The following GNAO1 variants were observed in gnomAD, a reference collection of about 807,000 sequenced individuals.
GNAO1 encodes the protein guanine nucleotide-binding protein G(o) subunit alpha.
For missense variants in GNAO1, 166 were observed against 478.7 expected, an observed-to-expected ratio of 0.35 and a Z score of 6.10; for synonymous variants, 164 against 180.7, an observed-to-expected ratio of 0.91 and a Z score of 0.74.
chr16:56,351,406 T>C lies in GNAO1; in HGVS notation c.746T>C (p.Met249Thr), dbSNP rs1357923280. 3 of 1,613,022 alleles carry C rather than the reference T, an allele frequency of 1.9e-6. No individual in the cohort carries two copies. The highest frequency in any genetic ancestry group is 2.7e-5 in the African/African-American group (2 of 74,918). The change falls in exon 7 of 9, where the codon ATG becomes ACG. Residue 249 changes from methionine to threonine, a missense_variant. Coordinates refer to ENST00000262493, the MANE Select transcript of GNAO1 (RefSeq NM_020988.3). The surrounding 1 kb of genome is among the most constrained non-coding windows in gnomAD (Gnocchi z 6.1). ...ETTNRMHESL[M>T]LFDSICNNKF... ...CAGAACCGCATGCACGAGTCTCTCA[T>C]GCTCTTCGACTCCATCTGTAACAAC...
intron 2 of GNAO1, among the ~76,000 whole-genome samples, chr16:56,207,121 T>C (rs749396505): frequency 6.6e-6 from 1 of 152,258 alleles, no homozygotes; most frequent in Non-Finnish European, 1.5e-5. Context: ...GCTGCACATA[T>C]GTTACCATGT....
intron 2 of GNAO1, among the ~76,000 whole-genome samples, chr16:56,206,267 C>T (rs1056263442): frequency 5.3e-5 from 8 of 150,446 alleles, no homozygotes; most frequent in African/African-American, 2.0e-4. Context: ...TTGCAGTGAG[C>T]CGAGATCACG....
At chr16:56,239,578 T>C (rs1259291162) in intron 2 of GNAO1, among the ~76,000 whole-genome samples, 1 of 152,188 alleles carries the variant, frequency 6.6e-6, no homozygotes, top group Non-Finnish European at 1.5e-5. Flanking sequence ...GGAGCCTACA[T>C]CTGTAGGTGC....
chr16:56,197,262 T>G (rs527491497), intron 2 of GNAO1, among the ~76,000 whole-genome samples: 34 of 152,212 alleles, frequency 2.2e-4, no homozygotes, highest in Non-Finnish European at 4.7e-4. Context: ...TCTTCTAGAT[T>G]TGTAGACTTG....
rs1362977418 is a variant in GNAO1, at chr16:56,356,470, G to C, written c.*396G>C. The C allele has an allele frequency of 2.6e-5, 4 of 152,446 alleles. No homozygotes were observed. The highest frequency in any genetic ancestry group is 5.9e-5 in the Non-Finnish European group (4 of 68,078). 9.4% of individuals were successfully genotyped at this position (152,446 alleles called of 1,614,324 possible). A position where few individuals can be genotyped will look rare whatever the true frequency, so the allele number is the denominator to read the frequency against. Reference sequence around the variant, plus strand: ...TGCTGGGGGGCAGGGCCCATCTGCCGCCTGGGGCTCCGGTGCGGTGCACTG... The same window carrying C: ...TGCTGGGGGGCAGGGCCCATCTGCCCCCTGGGGCTCCGGTGCGGTGCACTG... On this transcript the variant is annotated 3_prime_UTR_variant, in exon 9 of 9. Transcript: ENST00000262493.
intron 2 of GNAO1, among the ~76,000 whole-genome samples, chr16:56,217,476 G>T (rs1596802263): frequency 6.6e-6 from 1 of 152,200 alleles, no homozygotes; most frequent in East Asian, 1.9e-4. Context: ...TGACATAGTG[G>T]ATTCTTTGCT....
intron 2 of GNAO1, among the ~76,000 whole-genome samples, chr16:56,263,260 A>G (rs2036920488): frequency 2.0e-5 from 3 of 152,310 alleles, no homozygotes; most frequent in South Asian, 2.1e-4. Context: ...CCACCTTCAC[A>G]GAAAGGAGTT....
intron 2 of GNAO1, among the ~76,000 whole-genome samples, chr16:56,196,232 T>C (rs1482964128): frequency 6.6e-6 from 1 of 152,072 alleles, no homozygotes; most frequent in Non-Finnish European, 1.5e-5. Flanking sequence ...ACAGTGATAA[T>C]TGAGACAGCA....
chr16:56,207,439 T>G (rs1231829765), intron 2 of GNAO1, among the ~76,000 whole-genome samples: 4 of 152,234 alleles, frequency 2.6e-5, no homozygotes, highest in Non-Finnish European at 5.9e-5. Context: ...GAAAACATGA[T>G]TTATTTAAGG....
At chr16:56,298,452 T>TATATGCCAGGCTCTG (rs1300600673) in intron 3 of GNAO1, among the ~76,000 whole-genome samples, 1 of 152,206 alleles carries the variant, frequency 6.6e-6, no homozygotes, top group African/African-American at 2.4e-5. Flanking sequence ...ACGTGGGGCA[T>TATATGCCAGGCTCTG]ATATGCCAGG....
At chr16:56,337,556 T>C (rs1334420558) in intron 6 of GNAO1, among the ~76,000 whole-genome samples, 1 of 152,252 alleles carries the variant, frequency 6.6e-6, no homozygotes, top group African/African-American at 2.4e-5. Context: ...CCTCTGGGTC[T>C]AGTCCTGGCT....
intron 2 of GNAO1, among the ~76,000 whole-genome samples, chr16:56,233,555 C>T (rs1372752544): frequency 6.6e-6 from 1 of 152,200 alleles, no homozygotes; most frequent in Non-Finnish European, 1.5e-5. Flanking sequence ...TGGTGTGGAA[C>T]TCAGAAGCAG....
At chr16:56,302,662 C>G (rs2037356251) in intron 3 of GNAO1, 1 of 152,264 alleles carries the variant, frequency 6.6e-6, no homozygotes, top group Non-Finnish European at 1.5e-5. Flanking sequence ...CAACAGTACC[C>G]TACATGACTG....
At position 56,354,117 on chromosome 16, in the gene GNAO1, C is replaced by T. The variant is rs1332444563; in HGVS notation, c.878-749C>T. 6.6e-6 allele frequency among the ~76,000 whole-genome samples: 1 copy of T among 152,226 alleles called. No individual in the cohort carries two copies. The highest frequency in any genetic ancestry group is 1.5e-5 in the Non-Finnish European group (1 of 68,042). On this transcript the variant is annotated intron_variant, in intron 7 of 8. Transcript: ENST00000262493. The surrounding 1 kb of genome is among the most constrained non-coding windows in gnomAD (Gnocchi z 4.3). ...GCAGGTCCCTCTGAGTGCCCACCAC[C>T]CTCTTGGGCAGGCCCCTCTCCAGAC...
At chr16:56,231,306 A>G (rs2036586803) in intron 2 of GNAO1, among the ~76,000 whole-genome samples, 1 of 152,220 alleles carries the variant, frequency 6.6e-6, no homozygotes, top group South Asian at 2.1e-4. Context: ...AACTCCATTC[A>G]GGTCTCTGCC....
intron 3 of GNAO1, among the ~76,000 whole-genome samples, chr16:56,289,956 A>C (rs1254908547): frequency 6.6e-6 from 1 of 152,148 alleles, no homozygotes; most frequent in Non-Finnish European, 1.5e-5. Flanking sequence ...AGCCAAAGTG[A>C]GCTTTTAAAA....
chr16:56,225,553 G>T (rs903469145), intron 2 of GNAO1, among the ~76,000 whole-genome samples: 11 of 152,192 alleles, frequency 7.2e-5, no homozygotes, highest in Admixed American at 2.0e-4. Context: ...GTCAACATCT[G>T]TGTGTGTGCA....
At chr16:56,302,515 C>T (rs2037355060) in intron 3 of GNAO1, 8 of 152,286 alleles carry the variant, frequency 5.3e-5, no homozygotes, top group Admixed American at 5.2e-4. Context: ...AGCCACTCTT[C>T]CAGGCCTCCC....
intron 3 of GNAO1, among the ~76,000 whole-genome samples, chr16:56,297,000 G>C (rs959331333): frequency 6.6e-6 from 1 of 152,134 alleles, no homozygotes; most frequent in African/African-American, 2.4e-5. Context: ...AGCCCTTTGG[G>C]TGTTAAAGGT....
Sources: allele counts gnomAD v4.1 joint callset (sites outside exome capture counted in the v4.1 genomes callset), GRCh38; gene constraint gnomAD v4.1.1; non-coding constraint Gnocchi (gnomAD v3.1); transcripts MANE v1.5; gene names NCBI Gene and HGNC (gene_info 2026-07-23, HGNC 2026-07-21).